CDH26: variants seen among roughly 807,000 people sequenced by gnomAD.
CDH26 encodes the protein cadherin-like protein 26.
A neutral mutation model predicts 90.3 loss-of-function variants in CDH26; 83 were observed. The ratio of observed to expected loss-of-function variants is 0.92; its 90% CI spans 0.77 to 1.10. The LOEUF (loss-of-function observed/expected upper bound fraction) is 1.10. Ranked by LOEUF, CDH26 falls within the 50% of genes least tolerant of loss-of-function variation. The probability of loss-of-function intolerance (pLI) is 0.00; values close to 1 mark genes in which losing one functional copy is unlikely to be tolerated. For missense variants in CDH26, 1,013 were observed against 1,037.6 expected (o/e 0.98, Z 0.33); for synonymous variants, 397 against 396.3 (o/e 1.00, Z -0.02).
intron 5 of CDH26, among the ~76,000 whole-genome samples, chr20:59,983,495 A>C (rs185065644): frequency 6.7e-6 from 1 of 148,168 alleles, no homozygotes; most frequent in Non-Finnish European, 1.5e-5. Context: ...AATAACAAAA[A>C]TCATTTTTTT....
intron 7 of CDH26, among the ~76,000 whole-genome samples, chr20:60,021,873 C>CACACACACAT (rs1569068662): frequency 4.8e-5 from 5 of 105,206 alleles, no homozygotes; most frequent in South Asian, 3.2e-4. Context: ...CACACACACA[C>CACACACACAT]ACACACACAC....
chr20:60,006,655 G>T (rs1446610299), intron 16 of CDH26, 58 bp from the exon 17 acceptor site: 6 of 1,280,390 alleles, frequency 4.7e-6, no homozygotes, highest in East Asian at 2.3e-5. Flanking sequence ...ACACACAGGG[G>T]TTGGGGGGTA....
At chr20:59,962,014 C>T (rs1238252712) in intron 1 of CDH26, among the ~76,000 whole-genome samples, 1 of 152,198 alleles carries the variant, frequency 6.6e-6, no homozygotes, top group East Asian at 1.9e-4. Context: ...AGCATTTATG[C>T]TCTGACTGAA....
chr20:59,976,933 A>G (rs1374020852), intron 4 of CDH26, among the ~76,000 whole-genome samples: 2 of 152,050 alleles, frequency 1.3e-5, no homozygotes, highest in African/African-American at 4.8e-5. Flanking sequence ...AGGCCCTTAG[A>G]GGCCCCCTGG....
chr20:59,968,002 TC>T (rs2061195808), intron 1 of CDH26, among the ~76,000 whole-genome samples: 1 of 125,954 alleles, frequency 7.9e-6, no homozygotes, highest in Admixed American at 8.9e-5. Context: ...TTTCTTTCTT[TC>T]TTTCTTTCTT....
At chr20:60,034,280 C>T (rs2062067155), downstream of CDH26, among the ~76,000 whole-genome samples, 2 of 152,190 alleles carry the variant, frequency 1.3e-5, no homozygotes, top group African/African-American at 2.4e-5. Context: ...AGGCAATGTC[C>T]CTCTGCCACT....
At chr20:59,984,185 T>C (rs560179105) in intron 5 of CDH26, among the ~76,000 whole-genome samples, 38 of 152,374 alleles carry the variant, frequency 2.5e-4, no homozygotes, top group African/African-American at 8.9e-4. Context: ...CTTGAACATT[T>C]TGCTATGTTT....
chr20:59,987,469 C>T lies in CDH26; in HGVS notation c.854C>T (p.Pro285Leu). 3 of 1,611,476 alleles carry T rather than the reference C, an allele frequency of 1.9e-6. No homozygotes were observed. The highest frequency in any genetic ancestry group is 2.5e-6 in the Non-Finnish European group (3 of 1,178,936). ...FTQENYKVQIPEGRASQGVLR... is the reference protein window; with the variant it reads ...FTQENYKVQILEGRASQGVLR... ...TTCTTTCAGTATAAGGTTCAGATTC[C>T]TGAAGGCCGAGCCAGCCAGGGCGTG... The change falls in exon 8 of 18, where the codon CCT (proline) becomes CTT (leucine). Residue 285 changes from proline (P) to leucine (L), a missense_variant. Pro to Leu is a moderately conservative substitution (Grantham distance 98). Transcript: ENST00000348616.
At chr20:60,004,211 T>C (rs2061712266) in intron 16 of CDH26, among the ~76,000 whole-genome samples, 1 of 152,232 alleles carries the variant, frequency 6.6e-6, no homozygotes, top group Admixed American at 6.5e-5. Flanking sequence ...CTTGGTATGA[T>C]GTGGCTTCAC....
At chr20:60,009,954 C>T (rs1210132251) in intron 17 of CDH26, among the ~76,000 whole-genome samples, 2 of 152,138 alleles carry the variant, frequency 1.3e-5, no homozygotes, top group Non-Finnish European at 2.9e-5. Flanking sequence ...CCTCCCCCTG[C>T]CCCCAGCTCC....
intron 10 of CDH26, 136 bp from the exon 11 acceptor site, chr20:59,994,114 G>A (rs1427903948): frequency 1.8e-6 from 2 of 1,130,706 alleles, no homozygotes; most frequent in African/African-American, 1.6e-5. Flanking sequence ...TGCATGCCAG[G>A]AGAGCTTATG....
In CDH26 at chr20:60,027,639, C is replaced by T. The variant is rs116911104; in HGVS notation, c.948-3592C>T. ...TCACCATTCCATGAGTTTTGACGAACGCACTCAACTGTGTAACCCACATCC... is the reference window on the plus strand; with the variant it reads ...TCACCATTCCATGAGTTTTGACGAATGCACTCAACTGTGTAACCCACATCC... On this transcript the variant is annotated intron_variant, in intron 7 of 8. Transcript: ENST00000370991. Among the ~76,000 whole-genome samples, 684 of 152,122 alleles carry T rather than the reference C, an allele frequency of 4.5e-3. 4 individuals carry two copies. The highest frequency in any genetic ancestry group is 0.037 in the Middle Eastern group (11 of 294).
chr20:59,985,597 C>G lies in CDH26; in HGVS notation c.837+468C>G, dbSNP rs1293440168. On this transcript the variant is annotated intron_variant, in intron 7 of 17. Transcript: ENST00000348616. Reference sequence around the variant, plus strand: ...ACGATCCAAACACTTCCCACCAGGCCCCACCTCCAACACTGGGGATCACAT... The same window carrying G: ...ACGATCCAAACACTTCCCACCAGGCGCCACCTCCAACACTGGGGATCACAT... 2.0e-5 allele frequency among the ~76,000 whole-genome samples: 3 copies of G among 152,202 alleles called. No homozygotes were observed. The East Asian group carries it at 5.8e-4, about 30-fold the overall frequency.
rs1168858975 is a variant in CDH26, at chr20:59,958,876, A to C, written c.69+81A>C. 2.1e-6 allele frequency: 3 copies of C among 1,426,714 alleles called. No individual in the cohort carries two copies. In the East Asian group the frequency reaches 7.4e-5, roughly 35 times the overall value. 88.4% of individuals were successfully genotyped at this position (1,426,714 alleles called of 1,614,324 possible). A position where few individuals can be genotyped will look rare whatever the true frequency, so the allele number is the denominator to read the frequency against. ...AGCTGGCCCTGCCCCTTCTAGGCTA[A>C]GGGAGGGGAGAGGGACTGAGTGTGA... On this transcript the variant is annotated intron_variant, in intron 1 of 17. Coordinates refer to ENST00000348616, the MANE Select transcript of CDH26 (RefSeq NM_177980.4).
chr20:59,993,122 G>T (rs2061547977), intron 10 of CDH26, among the ~76,000 whole-genome samples: 1 of 152,164 alleles, frequency 6.6e-6, no homozygotes, highest in African/African-American at 2.4e-5. Flanking sequence ...TTAACTAGTG[G>T]AATGTTGGCG....
In CDH26 at chr20:60,030,979, G is replaced by A. The variant is rs1240709355; in HGVS notation, c.948-252G>A. Among the ~76,000 whole-genome samples, 1 of 152,196 alleles carries A rather than the reference G, an allele frequency of 6.6e-6. No homozygotes were observed. The stretch of plus-strand genomic sequence containing the variant: ...AAGAAGGTAAAGGAATAAAAGAATG[G>A]CTACTCCATAGACAAAGCAGCCTCG... On this transcript the variant is annotated intron_variant, in intron 7 of 8. Coordinates refer to the CDH26 transcript ENST00000370991. The surrounding 1 kb of genome is among the most constrained non-coding windows in gnomAD (Gnocchi z 4.0).
intron 17 of CDH26, among the ~76,000 whole-genome samples, chr20:60,012,225 G>A (rs923456747): frequency 4.6e-5 from 7 of 152,026 alleles, no homozygotes; most frequent in Middle Eastern, 3.2e-3. Context: ...AGGGAAGGGC[G>A]AGCCTCAAGG....
rs2145996096 is a variant in CDH26, at chr20:59,994,467, A to G, written c.1644A>G (p.Thr548=). The part of the protein sequence containing the change: ...LDNTWGNAED[T]WKLGRNWGQS... ...ATACCTGGGGAAATGCGGAGGACACATGGAAGTTGGGGAGAAATTGGGGTG... is the reference window on the plus strand; with the variant it reads ...ATACCTGGGGAAATGCGGAGGACACGTGGAAGTTGGGGAGAAATTGGGGTG... The change falls in exon 11 of 18, where the codon ACA becomes ACG. Residue 548 remains threonine, a synonymous_variant. Transcript: ENST00000348616. 6.2e-7 allele frequency: 1 copy of G among 1,614,124 alleles called. No homozygotes were observed. Among genetic ancestry groups the G allele is most frequent in the Non-Finnish European group, 8.5e-7 (1 of 1,179,984 alleles).
At chr20:59,985,666 G>A (rs16983352) in intron 7 of CDH26, among the ~76,000 whole-genome samples, 2,470 of 152,164 alleles carry the variant, frequency 0.016, 41 homozygotes, top group Non-Finnish European at 0.026. Flanking sequence ...AATCTATATC[G>A]CGCAGTCACC....
Sources: gnomAD v4.1 joint callset for allele counts (sites outside exome capture counted in the v4.1 genomes callset) on GRCh38, gnomAD v4.1.1 for gene constraint, Gnocchi (gnomAD v3.1) non-coding constraint, MANE v1.5 for transcripts, NCBI Gene and HGNC (gene_info 2026-07-23, HGNC 2026-07-21) for gene names.